SYNPO2: variants seen among roughly 807,000 people sequenced by gnomAD.
SYNPO2 encodes the protein synaptopodin 2.
Under a neutral mutation model 85.0 loss-of-function variants are expected in SYNPO2, and 56 were observed. That is an observed-to-expected ratio of 0.66 (90% CI 0.53 to 0.82). The LOEUF is 0.82. Among genes scored for constraint, SYNPO2 ranks in the 40% least tolerant of loss-of-function variants. The probability of loss-of-function intolerance (pLI) is 0.00; values close to 1 mark genes in which losing one functional copy is unlikely to be tolerated. For missense variants in SYNPO2, 1,575 were observed against 1,534.2 expected, an observed-to-expected ratio of 1.03 and a Z score of -0.44; for synonymous variants, 602 against 591.1, an observed-to-expected ratio of 1.02 and a Z score of -0.27.
At chr4:118,869,692 A>G (rs1384269222) in intron 1 of SYNPO2, among the ~76,000 whole-genome samples, 1 of 152,206 alleles carries the variant, frequency 6.6e-6, no homozygotes, top group Non-Finnish European at 1.5e-5. Flanking sequence ...AAGCCTGGAT[A>G]TACAATACAG....
At chr4:119,046,977 C>T (rs889479988) in intron 4 of SYNPO2, among the ~76,000 whole-genome samples, 1 of 152,104 alleles carries the variant, frequency 6.6e-6, no homozygotes, top group Non-Finnish European at 1.5e-5. Flanking sequence ...GTAACAGAAC[C>T]AAGATGATAT....
At chr4:118,891,671 ATGT>A (rs1033900318) in intron 1 of SYNPO2, among the ~76,000 whole-genome samples, 14 of 152,334 alleles carry the variant, frequency 9.2e-5, no homozygotes, top group African/African-American at 3.1e-4. Context: ...GGCAAAGTGA[ATGT>A]TGCTTGGGCA....
intron 4 of SYNPO2, among the ~76,000 whole-genome samples, chr4:119,053,285 G>C (rs1739107752): frequency 6.6e-6 from 1 of 152,208 alleles, no homozygotes; most frequent in Non-Finnish European, 1.5e-5. Flanking sequence ...GTAGAGGCTA[G>C]AGGCTTGCAA....
At chr4:118,995,899 T>TATCTATCA in intron 1 of SYNPO2, among the ~76,000 whole-genome samples, 1 of 150,940 alleles carries the variant, frequency 6.6e-6, no homozygotes, top group East Asian at 1.9e-4. Flanking sequence ...TCTATCTATC[T>TATCTATCA]ATCTATCATC....
chr4:119,004,539 C>G (rs1273092327), intron 1 of SYNPO2, among the ~76,000 whole-genome samples: 1 of 149,650 alleles, frequency 6.7e-6, no homozygotes, highest in African/African-American at 2.5e-5. Context: ...ATCCATGTCC[C>G]TACAAACGAC....
Position 119,057,393 on chromosome 4 carries a change from G to A in SYNPO2, c.3253-8G>A. 2.6e-6 allele frequency: 4 copies of A among 1,562,188 alleles called. No homozygotes were observed. The South Asian group carries it at 3.7e-5, about 14-fold the overall frequency. ...AATGAGATATATTAATATTTTCATT[G>A]TTTTTAGGAGAGTGGGCGCTCCCTT... On this transcript the variant is annotated splice_region_variant and splice_polypyrimidine_tract_variant and intron_variant, in intron 4 of 4. Coordinates refer to ENST00000307142, the MANE Select transcript of SYNPO2 (RefSeq NM_133477.3).
chr4:119,036,546 C>T, intron 4 of SYNPO2: 1 of 985,478 alleles, frequency 1.0e-6, no homozygotes, highest in Non-Finnish European at 1.2e-6. Flanking sequence ...TAAATTCCCA[C>T]AGGATCCAGA....
intron 4 of SYNPO2, among the ~76,000 whole-genome samples, chr4:119,048,740 G>A (rs531644026): frequency 1.8e-4 from 28 of 152,168 alleles, no homozygotes; most frequent in Non-Finnish European, 5.9e-5. Context: ...TGTGTTCAAG[G>A]TTCAAGGCCA....
intron 4 of SYNPO2, among the ~76,000 whole-genome samples, chr4:119,050,332 CA>C (rs796535345): frequency 1.9e-3 from 249 of 134,074 alleles, no homozygotes; most frequent in Middle Eastern, 3.8e-3. Flanking sequence ...GATTCTGTCT[CA>C]AAAAAAAAAA....
intron 4 of SYNPO2, chr4:119,042,411 T>C (rs947107783): frequency 6.6e-6 from 1 of 152,168 alleles, no homozygotes; most frequent in Non-Finnish European, 1.5e-5. Context: ...GGGAAAAAGA[T>C]TGTATGACTT....
chr4:118,868,160 T>C (rs943967752), intron 1 of SYNPO2, among the ~76,000 whole-genome samples: 3 of 143,054 alleles, frequency 2.1e-5, no homozygotes, highest in Admixed American at 7.2e-5. Context: ...TTAAAAAAAA[T>C]TAGATGCTCT....
chr4:118,892,488 ATG>A (rs1266313142), intron 1 of SYNPO2, among the ~76,000 whole-genome samples: 3 of 152,174 alleles, frequency 2.0e-5, no homozygotes, highest in Non-Finnish European at 4.4e-5. Flanking sequence ...TACAAAAAGA[ATG>A]TGAGCACTTC....
At chr4:118,907,458 T>A (rs1732975934) in intron 1 of SYNPO2, among the ~76,000 whole-genome samples, 1 of 152,314 alleles carries the variant, frequency 6.6e-6, no homozygotes, top group South Asian at 2.1e-4. Context: ...GCATTCAAAT[T>A]TGATGGAAAT....
intron 1 of SYNPO2, among the ~76,000 whole-genome samples, chr4:118,987,004 A>G (rs1736244634): frequency 6.6e-6 from 1 of 152,344 alleles, no homozygotes; most frequent in African/African-American, 2.4e-5. Context: ...TCAATAAACC[A>G]ACACAGTTTT....
At chr4:118,971,396 G>A (rs1735536357) in intron 1 of SYNPO2, among the ~76,000 whole-genome samples, 2 of 152,234 alleles carry the variant, frequency 1.3e-5, no homozygotes, top group Admixed American at 6.5e-5. Context: ...AAGGCTTAGA[G>A]TAGCTCTCCT....
At chr4:118,879,847 C>T (rs748958547) in intron 1 of SYNPO2, among the ~76,000 whole-genome samples, 5 of 152,000 alleles carry the variant, frequency 3.3e-5, no homozygotes, top group Admixed American at 6.5e-5. Flanking sequence ...GTTGGCAGCC[C>T]TGCCCTTGAT....
intron 1 of SYNPO2, among the ~76,000 whole-genome samples, chr4:118,930,690 G>A (rs1733898032): frequency 6.7e-6 from 1 of 150,128 alleles, no homozygotes; most frequent in Non-Finnish European, 1.5e-5. Flanking sequence ...CAAAGTGGAA[G>A]GATTGCTTGA....
intron 1 of SYNPO2, among the ~76,000 whole-genome samples, chr4:118,970,038 G>A (rs1346836087): frequency 1.3e-5 from 2 of 151,906 alleles, no homozygotes; most frequent in African/African-American, 4.8e-5. Flanking sequence ...TCATTGTCTA[G>A]GACTTCTGTT....
chr4:118,869,441 TTTA>T (rs1731762424), intron 1 of SYNPO2, among the ~76,000 whole-genome samples: 1 of 152,346 alleles, frequency 6.6e-6, no homozygotes, highest in African/African-American at 2.4e-5. Context: ...AAATATAAAA[TTTA>T]AACCAGATTT....
Sources: gnomAD v4.1 joint callset for allele counts (sites outside exome capture counted in the v4.1 genomes callset) on GRCh38, gnomAD v4.1.1 for gene constraint, MANE v1.5 for transcripts, NCBI Gene and HGNC (gene_info 2026-07-23, HGNC 2026-07-21) for gene names.